FANCI: variants seen among roughly 807,000 people sequenced by gnomAD.
FANCI encodes Fanconi anemia group I protein.
FANCI carries 156 observed loss-of-function variants against 176.1 expected under a neutral mutation model. The ratio of observed to expected loss-of-function variants is 0.89; its 90% CI spans 0.78 to 1.01. The LOEUF (loss-of-function observed/expected upper bound fraction) is 1.01. Ranked by LOEUF, FANCI falls within the 50% of genes least tolerant of loss-of-function variation. The pLI, the probability that FANCI is intolerant of heterozygous loss-of-function variation, is 0.00. For synonymous variants in FANCI, 613 were observed against 541.7 expected (o/e 1.13, Z -1.83); for missense variants, 1,678 against 1,534.1 (o/e 1.09, Z -1.57).
Position 89,316,433 on chromosome 15 carries a change from C to A in FANCI, c.3961C>A (p.Pro1321Thr). Residue 1321 changes from proline to threonine, a missense_variant, in exon 38 of 38, where the codon CCA (proline) becomes ACA (threonine). By Grantham distance (38) the Pro-to-Thr change is conservative (BLOSUM62 -1). Around this residue, in one of 3 missense-constraint regions of FANCI, gnomAD observed 1,204 missense variants for 1,077.4 expected, o/e 1.12. Coordinates refer to ENST00000310775, the MANE Select transcript of FANCI (RefSeq NM_001113378.2). ...AGAGCATGGGGGACAGAACAAAGAACCAGCCAAGAAGAAAAGGAAAAAATA... is the reference window on the plus strand; with the variant it reads ...AGAGCATGGGGGACAGAACAAAGAAACAGCCAAGAAGAAAAGGAAAAAATA... ...ASEHGGQNKE[P>T]AKKKRKK 6.2e-7 allele frequency: 1 copy of A among 1,611,666 alleles called. No homozygotes were observed. Among genetic ancestry groups the A allele is most frequent in the African/African-American group, 1.3e-5 (1 of 74,902 alleles).
rs1178705589 is a variant in FANCI at position 89,295,106 on chromosome 15, C to G, written c.2636+12C>G. On this transcript the variant is annotated intron_variant, in intron 24 of 37. Coordinates refer to ENST00000310775, the MANE Select transcript of FANCI (RefSeq NM_001113378.2). ...TGTGACATAACTCGGTAAGCCACTC[C>G]CACCCCTTAGAAACTTATTCCACTT... 6.5e-7 allele frequency: 1 copy of G among 1,549,964 alleles called. No homozygotes were observed. The highest frequency in any genetic ancestry group is 8.7e-7 in the Non-Finnish European group (1 of 1,146,604).
intron 34 of FANCI, 34 bp from the exon 35 acceptor site, chr15:89,312,870 T>C (rs999177815): frequency 6.6e-7 from 1 of 1,516,050 alleles, no homozygotes; most frequent in South Asian, 1.1e-5. Context: ...AGAAAAATCA[T>C]CAGGAATAAG....
intron 23 of FANCI, among the ~76,000 whole-genome samples, chr15:89,294,240 G>C (rs1453852337): frequency 3.3e-5 from 5 of 152,132 alleles, no homozygotes; most frequent in Admixed American, 2.6e-4. Context: ...ATTCCAGCAG[G>C]GTGTTTTAAG....
At chr15:89,250,758 TACAA>T (rs887129791) in intron 2 of FANCI, among the ~76,000 whole-genome samples, 2 of 150,564 alleles carry the variant, frequency 1.3e-5, no homozygotes, top group African/African-American at 4.9e-5. Context: ...GGAAAAGAGA[TACAA>T]ACAAATTACA....
rs16943013 is a variant in FANCI at position 89,314,573 on chromosome 15, T to C, written c.3721-39T>C. On this transcript the variant is annotated intron_variant, in intron 35 of 37. Coordinates refer to ENST00000310775, the MANE Select transcript of FANCI (RefSeq NM_001113378.2). ...CTTCAGAGGAAAACTTCAAAAACCA[T>C]TGAACCTGAAATTTAAGTCTTATGT... 3.4e-3 allele frequency: 5,030 copies of C among 1,499,594 alleles called. 116 individuals carry two copies. In the African/African-American group the frequency reaches 0.059, roughly 18 times the overall value. 92.9% of individuals were successfully genotyped at this position (1,499,594 alleles called of 1,614,324 possible).
At chr15:89,273,511 T>TAA (rs34985075) in intron 11 of FANCI, 42 bp downstream of exon 11, 6,286 of 474,176 alleles carry the variant, frequency 0.013, 123 homozygotes, top group African/African-American at 0.083. Context: ...CTGTAGTTGG[T>TAA]AAAAAAAAAA....
At chr15:89,267,935 AG>A (rs1169480692) in intron 9 of FANCI, among the ~76,000 whole-genome samples, 2 of 152,184 alleles carry the variant, frequency 1.3e-5, no homozygotes, top group African/African-American at 4.8e-5. Context: ...TCAGATAAAT[AG>A]ATGGATAGAT....
chr15:89,315,230 C>T, intron 36 of FANCI, 52 bp from the exon 37 acceptor site: 1 of 1,375,402 alleles, frequency 7.3e-7, no homozygotes. Flanking sequence ...TTAAGCTGTT[C>T]TGGCAGGACC....
intron 20 of FANCI, 48 bp from the exon 21 acceptor site, chr15:89,292,640 T>C (rs748856780): frequency 6.4e-7 from 1 of 1,566,704 alleles, no homozygotes; most frequent in Admixed American, 1.7e-5. Flanking sequence ...CTTTATAAGT[T>C]ATCCATCAAC....
intron 24 of FANCI, among the ~76,000 whole-genome samples, chr15:89,298,167 T>C (rs775281271): frequency 2.6e-5 from 4 of 152,122 alleles, no homozygotes; most frequent in Non-Finnish European, 4.4e-5. Flanking sequence ...CTTGATTTAA[T>C]TGACACTTAT....
rs1309384470 is a variant in FANCI, at chr15:89,264,569, A to C, written c.717A>C (p.Ala239=). 6.2e-7 allele frequency: 1 copy of C among 1,613,938 alleles called. No individual in the cohort carries two copies. The highest frequency in any genetic ancestry group is 1.1e-5 in the South Asian group (1 of 91,082). The change falls in exon 9 of 38, where the codon GCA becomes GCC. Residue 239 remains alanine, a synonymous_variant. Coordinates refer to ENST00000310775, the MANE Select transcript of FANCI (RefSeq NM_001113378.2). ...VLEGIIAFFS[A]LDKQHNEEQS... ...AAGGAATCATAGCCTTCTTCAGTGC[A>C]CTAGATAAGCAGCACAATGAGGAAC...
intron 18 of FANCI, among the ~76,000 whole-genome samples, chr15:89,288,750 AC>A (rs1307060263): frequency 6.7e-6 from 1 of 149,520 alleles, no homozygotes; most frequent in East Asian, 2.0e-4. Context: ...CCATCCCCAA[AC>A]GATTGGGACC....
In FANCI at chr15:89,315,404, C is replaced by T; in HGVS notation, c.3924+15C>T. ...AAAATGAAGAGGTCAGTGCTGGCTT[C>T]TGTCTGGAGCCCAGCCACTCTTCCT... On this transcript the variant is annotated intron_variant, in intron 37 of 37. Coordinates refer to ENST00000310775, the MANE Select transcript of FANCI (RefSeq NM_001113378.2). The T allele has an allele frequency of 6.4e-7, 1 of 1,554,926 alleles. No homozygotes were observed. The highest frequency in any genetic ancestry group is 1.1e-5 in the South Asian group (1 of 89,848).
chr15:89,305,526 G>C (rs2054684498), intron 30 of FANCI, 79 bp from the exon 31 acceptor site: 1 of 1,591,708 alleles, frequency 6.3e-7, no homozygotes, highest in Non-Finnish European at 8.6e-7. Flanking sequence ...CCCACCTGTA[G>C]GTGGCCAGGT....
At position 89,263,412 on chromosome 15, in the gene FANCI, C is replaced by A; in HGVS notation, c.504-7C>A. 6.2e-7 allele frequency: 1 copy of A among 1,611,032 alleles called. No individual in the cohort carries two copies. Among genetic ancestry groups the A allele is most frequent in the Non-Finnish European group, 8.5e-7 (1 of 1,177,432 alleles). On this transcript the variant is annotated splice_polypyrimidine_tract_variant and splice_region_variant and intron_variant, in intron 6 of 37. Transcript: ENST00000310775. ...AAGAAATAAACTTTGTCATTTTCTTCTACCAGGTGGGATCAGCAATATGTA... is the reference window on the plus strand; with the variant it reads ...AAGAAATAAACTTTGTCATTTTCTTATACCAGGTGGGATCAGCAATATGTA...
chr15:89,316,112 T>G (rs1255317292), intron 37 of FANCI, among the ~76,000 whole-genome samples: 4 of 152,230 alleles, frequency 2.6e-5, no homozygotes, highest in Non-Finnish European at 5.9e-5. Context: ...GAGAGTCATG[T>G]AGCATTTTGA....
chr15:89,274,371 T>C, intron 12 of FANCI, 67 bp downstream of exon 12: 5 of 1,565,108 alleles, frequency 3.2e-6, no homozygotes, highest in Non-Finnish European at 4.4e-6. Flanking sequence ...CAATGTGATA[T>C]CATACTTGCA....
intron 10 of FANCI, among the ~76,000 whole-genome samples, chr15:89,272,437 TTTTTA>T (rs1456700799): frequency 1.3e-5 from 2 of 152,158 alleles, no homozygotes; most frequent in Non-Finnish European, 2.9e-5. Context: ...GTGACTTGTC[TTTTTA>T]TTTTCTTAAT....
chr15:89,298,046 G>A (rs187603276), intron 24 of FANCI, among the ~76,000 whole-genome samples: 2 of 152,056 alleles, frequency 1.3e-5, no homozygotes, highest in East Asian at 3.9e-4. Flanking sequence ...CTTAATTAAT[G>A]TAATCAGCCC....
Sources: allele counts gnomAD v4.1 joint callset (sites outside exome capture counted in the v4.1 genomes callset), GRCh38; gene constraint gnomAD v4.1.1; regional missense constraint gnomAD v4.1.1; transcripts MANE v1.5; gene names NCBI Gene and HGNC (gene_info 2026-07-23, HGNC 2026-07-21).